Variants in SETBP1 observed in about 807,000 individuals in gnomAD.
The protein encoded by SETBP1 is SET binding protein 1, also known as SET-binding protein.
In SETBP1, 9 loss-of-function variants were observed where a neutral mutation model predicts 101.0. That is an observed-to-expected ratio of 0.09 (90% CI 0.05 to 0.16). The LOEUF (loss-of-function observed/expected upper bound fraction) is 0.16. Among genes scored for constraint, SETBP1 ranks in the 10% least tolerant of loss-of-function variants. SETBP1 has a pLI of 1.00. For missense variants in SETBP1, 1,858 were observed against 2,033.8 expected, an observed-to-expected ratio of 0.91 and a Z score of 1.66; for synonymous variants, 818 against 788.5, an observed-to-expected ratio of 1.04 and a Z score of -0.63.
chr18:44,763,745 T>C (rs1288546758), intron 2 of SETBP1, among the ~76,000 whole-genome samples: 1 of 152,212 alleles, frequency 6.6e-6, no homozygotes, highest in Non-Finnish European at 1.5e-5. Context: ...TCATTTGACA[T>C]ATTAATCCTT....
At chr18:44,707,913 C>T (rs1393914980) in intron 2 of SETBP1, among the ~76,000 whole-genome samples, 1 of 152,120 alleles carries the variant, frequency 6.6e-6, no homozygotes, top group Non-Finnish European at 1.5e-5. Context: ...GAAAGGGGAG[C>T]CTTTTGGTAA....
intron 3 of SETBP1, among the ~76,000 whole-genome samples, chr18:44,917,020 A>G (rs111728992): frequency 1.2e-3 from 183 of 152,310 alleles, no homozygotes; most frequent in Non-Finnish European, 2.2e-3. Context: ...CATTGACTTC[A>G]CCATGCCCTA....
chr18:45,039,494 A>G (rs559978654), intron 5 of SETBP1, among the ~76,000 whole-genome samples: 2 of 152,342 alleles, frequency 1.3e-5, no homozygotes, highest in Admixed American at 6.5e-5. Flanking sequence ...CAGGACATCC[A>G]GAATCTCTAC....
chr18:44,886,470 GTCT>G (rs1166383090), intron 3 of SETBP1, among the ~76,000 whole-genome samples: 3 of 151,866 alleles, frequency 2.0e-5, no homozygotes, highest in Non-Finnish European at 4.4e-5. Context: ...CCTCTTTCTC[GTCT>G]TCTTATTTTT....
chr18:45,005,057 C>T (rs1284689094), intron 4 of SETBP1, among the ~76,000 whole-genome samples: 23 of 151,996 alleles, frequency 1.5e-4, no homozygotes, highest in Admixed American at 1.5e-3. Context: ...AGGGCTTTGG[C>T]GCAGCATCTC....
chr18:44,845,973 G>A (rs573329095), intron 2 of SETBP1, among the ~76,000 whole-genome samples: 1 of 152,176 alleles, frequency 6.6e-6, no homozygotes, highest in African/African-American at 2.4e-5. Flanking sequence ...TTCCTTCTGT[G>A]CCTAGCAGAG....
At chr18:44,840,158 A>G (rs2072588106) in intron 2 of SETBP1, among the ~76,000 whole-genome samples, 1 of 152,180 alleles carries the variant, frequency 6.6e-6, no homozygotes, top group African/African-American at 2.4e-5. Flanking sequence ...GAGGCTTACA[A>G]CGTTTATTGT....
chr18:45,038,691 G>A (rs758929092), intron 5 of SETBP1, 36 bp downstream of exon 5: 22 of 1,611,074 alleles, frequency 1.4e-5, no homozygotes, highest in Non-Finnish European at 1.8e-5. Context: ...TTCACCCCAA[G>A]CAAGATGAAT....
chr18:44,819,984 C>T (rs149777797), intron 2 of SETBP1, among the ~76,000 whole-genome samples: 1 of 152,348 alleles, frequency 6.6e-6, no homozygotes, highest in East Asian at 1.9e-4. Context: ...CTGTACACGT[C>T]ATCATTGCTG....
intron 2 of SETBP1, among the ~76,000 whole-genome samples, chr18:44,777,215 G>T (rs2071023401): frequency 6.6e-6 from 1 of 152,156 alleles, no homozygotes; most frequent in African/African-American, 2.4e-5. Flanking sequence ...TACTCGGGAG[G>T]CTGAGGCAGG....
chr18:45,042,666 A>C (rs148303962), intron 5 of SETBP1, among the ~76,000 whole-genome samples: 1 of 152,214 alleles, frequency 6.6e-6, no homozygotes, highest in African/African-American at 2.4e-5. Flanking sequence ...GCATATATGC[A>C]TGTGTTATAT....
chr18:45,010,383 G>A (rs1568026047), intron 4 of SETBP1, among the ~76,000 whole-genome samples: 1 of 152,166 alleles, frequency 6.6e-6, no homozygotes, highest in Admixed American at 6.5e-5. Context: ...ATAATCCCCA[G>A]TTACTTTTGT....
At chr18:44,773,838 A>ATGTGTGTGCGTGTGTG (rs1555679379) in intron 2 of SETBP1, among the ~76,000 whole-genome samples, 1 of 134,174 alleles carries the variant, frequency 7.5e-6, no homozygotes, top group East Asian at 2.2e-4. Context: ...CTCTCTGTTT[A>ATGTGTGTGCGTGTGTG]TGTGTGTGTG....
At chr18:45,034,211 A>G (rs1387887192) in intron 4 of SETBP1, among the ~76,000 whole-genome samples, 2 of 152,212 alleles carry the variant, frequency 1.3e-5, no homozygotes, top group Admixed American at 6.5e-5. Context: ...TATTGAAGCT[A>G]TTGACTTACC....
At chr18:44,799,228 C>T (rs2071546361) in intron 2 of SETBP1, among the ~76,000 whole-genome samples, 1 of 152,128 alleles carries the variant, frequency 6.6e-6, no homozygotes, top group Non-Finnish European at 1.5e-5. Flanking sequence ...CTTTAATAGA[C>T]AGGTGAGAAC....
In SETBP1 at chr18:44,909,941, C is replaced by T. The variant is rs74902931; in HGVS notation, c.541-39940C>T. ...CCTCAGGAATTAAGACTCTTAAGAG[C>T]AGTGGCCTAATTTCATTTCTTCAAG... is the stretch of plus-strand genomic sequence containing the variant. On this transcript the variant is annotated intron_variant, in intron 3 of 5. Coordinates refer to ENST00000649279, the MANE Select transcript of SETBP1 (RefSeq NM_015559.3). Among the ~76,000 whole-genome samples the T allele has an allele frequency of 8.8e-4, 134 of 152,280 alleles. 4 individuals carry two copies. In the East Asian group the frequency reaches 0.014, roughly 16 times the overall value.
intron 2 of SETBP1, among the ~76,000 whole-genome samples, chr18:44,725,509 C>T (rs943343342): frequency 7.9e-5 from 12 of 152,090 alleles, no homozygotes; most frequent in African/African-American, 2.2e-4. Context: ...TTGAAAGATT[C>T]GGCTTTCATA....
At chr18:45,023,282 C>T (rs2073104488) in intron 4 of SETBP1, among the ~76,000 whole-genome samples, 1 of 152,216 alleles carries the variant, frequency 6.6e-6, no homozygotes, top group African/African-American at 2.4e-5. Flanking sequence ...CTCCATAAAT[C>T]TCTAGTGTGG....
intron 4 of SETBP1, among the ~76,000 whole-genome samples, chr18:44,973,312 C>A (rs2071911026): frequency 6.6e-6 from 1 of 152,210 alleles, no homozygotes; most frequent in Admixed American, 6.5e-5. Flanking sequence ...TATCAATGTT[C>A]ATCAGGGATA....
Sources: allele counts gnomAD v4.1 joint callset (sites outside exome capture counted in the v4.1 genomes callset), GRCh38; gene constraint gnomAD v4.1.1; transcripts MANE v1.5; gene names NCBI Gene and HGNC (gene_info 2026-07-23, HGNC 2026-07-21).